Variants in MAD1L1 observed in about 807,000 individuals in gnomAD.
MAD1L1 encodes the protein mitotic spindle assembly checkpoint protein MAD1.
In MAD1L1, 95 loss-of-function variants were observed where a neutral mutation model predicts 96.9. The ratio of observed to expected loss-of-function variants is 0.98; its 90% CI spans 0.83 to 1.16. The LOEUF (loss-of-function observed/expected upper bound fraction) is 1.16, where lower values mean the gene tolerates loss of function less well. MAD1L1 is among the 50% of genes most tolerant of loss of function. The pLI is 0.00. For synonymous variants in MAD1L1, 473 were observed against 396.6 expected (o/e 1.19, Z -2.29); for missense variants, 1,007 against 954.4 (o/e 1.06, Z -0.73).
intron 18 of MAD1L1, among the ~76,000 whole-genome samples, chr7:1,880,692 A>G (rs955424630): frequency 3.9e-5 from 6 of 152,348 alleles, no homozygotes; most frequent in African/African-American, 7.2e-5. Context: ...AGCAAGAGGA[A>G]GTACGGTGTG....
chr7:1,835,219 G>A (rs1321926430), intron 18 of MAD1L1, among the ~76,000 whole-genome samples: 1 of 152,074 alleles, frequency 6.6e-6, no homozygotes, highest in Non-Finnish European at 1.5e-5. Flanking sequence ...CACACTTAAT[G>A]GCTGAAGATT....
At chr7:2,226,860 C>T (rs565562472) in intron 3 of MAD1L1, among the ~76,000 whole-genome samples, 57 of 150,896 alleles carry the variant, frequency 3.8e-4, no homozygotes, top group African/African-American at 1.1e-3. Context: ...CGTGGTGGTA[C>T]GCACCTGTAA....
intron 18 of MAD1L1, among the ~76,000 whole-genome samples, chr7:1,850,480 G>A (rs1783908144): frequency 6.6e-6 from 1 of 152,230 alleles, no homozygotes; most frequent in Non-Finnish European, 1.5e-5. Context: ...GGGTCCAGGT[G>A]GGGGTACCCC....
chr7:2,198,115 C>G (rs2114945550), intron 10 of MAD1L1, among the ~76,000 whole-genome samples: 1 of 144,398 alleles, frequency 6.9e-6, no homozygotes, highest in South Asian at 2.2e-4. Flanking sequence ...GAAGGGTTAT[C>G]TTTATATTTT....
At chr7:2,170,059 G>A (rs1186757792) in intron 10 of MAD1L1, among the ~76,000 whole-genome samples, 1 of 152,212 alleles carries the variant, frequency 6.6e-6, no homozygotes, top group African/African-American at 2.4e-5. Context: ...GTGCCCTCAG[G>A]TCGTCCCTTC....
At chr7:2,222,813 C>A in intron 4 of MAD1L1, 59 bp from the exon 5 acceptor site, 1 of 1,366,076 alleles carries the variant, frequency 7.3e-7, no homozygotes, top group Non-Finnish European at 1.0e-6. Flanking sequence ...CAGCGGGGAG[C>A]CCTCACCCCC....
At chr7:2,197,465 T>C (rs1162426334) in intron 10 of MAD1L1, among the ~76,000 whole-genome samples, 1 of 152,058 alleles carries the variant, frequency 6.6e-6, no homozygotes, top group Non-Finnish European at 1.5e-5. Context: ...TCACTCCTCC[T>C]CTCATCTCCC....
intron 18 of MAD1L1, among the ~76,000 whole-genome samples, chr7:1,870,321 C>T (rs118039067): frequency 0.03 from 4,247 of 142,856 alleles, 159 homozygotes; most frequent in Admixed American, 0.073. Context: ...ACCTAACATA[C>T]GCCTGCCACG....
At chr7:2,105,387 C>CGG (rs1787035502) in intron 11 of MAD1L1, among the ~76,000 whole-genome samples, 1 of 115,298 alleles carries the variant, frequency 8.7e-6, no homozygotes, top group Non-Finnish European at 1.6e-5. Flanking sequence ...CAGTGCCCTA[C>CGG]GGGGCGGTCT....
intron 10 of MAD1L1, among the ~76,000 whole-genome samples, chr7:2,172,816 A>G (rs949695723): frequency 6.6e-6 from 1 of 152,200 alleles, no homozygotes; most frequent in African/African-American, 2.4e-5. Flanking sequence ...GGAGCCCCAG[A>G]TGGGCTCCCG....
chr7:2,005,157 T>G (rs1180155897), intron 13 of MAD1L1, among the ~76,000 whole-genome samples: 1 of 152,078 alleles, frequency 6.6e-6, no homozygotes, highest in Non-Finnish European at 1.5e-5. Flanking sequence ...ATCGACGAGC[T>G]GAGTGCTCCC....
At position 2,146,378 on chromosome 7, in the gene MAD1L1, A is replaced by C. The variant is rs1614599; in HGVS notation, c.1073+2774T>G. 0.83 allele frequency among the ~76,000 whole-genome samples: 106,443 copies of C among 128,892 alleles called. 44,779 individuals are homozygous for C. The highest frequency in any genetic ancestry group is 0.94 in the East Asian group (4,227 of 4,474). 84.6% of individuals were successfully genotyped at this position (128,892 alleles called of 152,430 possible). ...GCACTGGGCTACGAGGAACAGGGCA[A>C]CGCCTCGAAGAGGGAGCACCGGGCA... On this transcript the variant is annotated intron_variant, in intron 11 of 18. Coordinates refer to ENST00000265854, the MANE Select transcript of MAD1L1 (RefSeq NM_001013836.2). This position sits in a 1 kb window ranked among gnomAD's most constrained non-coding sequence, Gnocchi z 6.2.
chr7:2,125,370 C>T (rs1019672516), intron 11 of MAD1L1, among the ~76,000 whole-genome samples: 4 of 152,172 alleles, frequency 2.6e-5, no homozygotes, highest in Admixed American at 1.3e-4. Flanking sequence ...GAGCCACCCA[C>T]GCATCCTTCC....
chr7:2,169,387 T>A (rs1267918216), intron 10 of MAD1L1, among the ~76,000 whole-genome samples: 1 of 152,164 alleles, frequency 6.6e-6, no homozygotes, highest in Non-Finnish European at 1.5e-5. Context: ...AGAAAAAAAG[T>A]TCTATAGCCA....
chr7:1,862,891 C>T (rs116305834), intron 18 of MAD1L1, among the ~76,000 whole-genome samples: 6,071 of 152,290 alleles, frequency 0.04, 384 homozygotes, highest in African/African-American at 0.13. Context: ...AGCTACTTGC[C>T]GGCCGTAGAA....
intron 10 of MAD1L1, among the ~76,000 whole-genome samples, chr7:2,208,987 A>G (rs1792743363): frequency 6.6e-6 from 1 of 151,924 alleles, no homozygotes; most frequent in Admixed American, 6.5e-5. Flanking sequence ...TGTCCACACC[A>G]CACTCCCGGC....
At chr7:1,965,815 C>A (rs905081692) in intron 15 of MAD1L1, among the ~76,000 whole-genome samples, 1 of 152,282 alleles carries the variant, frequency 6.6e-6, no homozygotes, top group Non-Finnish European at 1.5e-5. Context: ...GTGGGCCCAA[C>A]CTCCATGACA....
At chr7:2,168,342 C>T (rs557411330) in intron 10 of MAD1L1, among the ~76,000 whole-genome samples, 2 of 152,170 alleles carry the variant, frequency 1.3e-5, no homozygotes, top group African/African-American at 4.8e-5. Flanking sequence ...TCTAGAGAAA[C>T]AATCAAAGGC....
chr7:2,149,441 C>T (rs113519033), intron 10 of MAD1L1, among the ~76,000 whole-genome samples: 11 of 152,260 alleles, frequency 7.2e-5, no homozygotes, highest in African/African-American at 2.4e-4. Flanking sequence ...TATGCAACAC[C>T]GGGGAGATGA....
Sources: gnomAD v4.1 joint callset for allele counts (sites outside exome capture counted in the v4.1 genomes callset) on GRCh38, gnomAD v4.1.1 for gene constraint, Gnocchi (gnomAD v3.1) non-coding constraint, MANE v1.5 for transcripts, NCBI Gene and HGNC (gene_info 2026-07-23, HGNC 2026-07-21) for gene names.